The following APLP2 variants were observed in gnomAD, a reference collection of about 807,000 sequenced individuals.
APLP2 encodes the protein amyloid beta precursor like protein 2, also known as CDEI box-binding protein.
Under a neutral mutation model 89.9 loss-of-function variants are expected in APLP2, and 53 were observed. That is an observed-to-expected ratio of 0.59 (90% CI 0.47 to 0.74). APLP2 has a LOEUF of 0.74. Among genes scored for constraint, APLP2 ranks in the 30% least tolerant of loss-of-function variants. The pLI, the probability that APLP2 is intolerant of heterozygous loss-of-function variation, is 0.00. For synonymous variants in APLP2, 372 were observed against 348.6 expected (o/e 1.07, Z -0.75); for missense variants, 973 against 975.9 (o/e 1.00, Z 0.04).
At chr11:130,103,824 A>G (rs1004073378) in intron 1 of APLP2, among the ~76,000 whole-genome samples, 5 of 152,126 alleles carry the variant, frequency 3.3e-5, no homozygotes, top group Non-Finnish European at 5.9e-5. Context: ...TACCACCTGA[A>G]ATCTGATTTG....
intron 1 of APLP2, among the ~76,000 whole-genome samples, chr11:130,077,397 A>T (rs1812980571): frequency 6.6e-6 from 1 of 152,170 alleles, no homozygotes. Flanking sequence ...TAGTATTTTC[A>T]CATATTTTAT....
intron 3 of APLP2, among the ~76,000 whole-genome samples, chr11:130,119,996 G>A (rs1949636747): frequency 6.6e-6 from 1 of 152,080 alleles, no homozygotes; most frequent in Admixed American, 6.5e-5. Context: ...TATTTTTTAA[G>A]AGTCCATGCC....
Position 130,129,565 on chromosome 11 carries a change from AAG to A in APLP2, c.1455+360_1455+361del, listed in dbSNP as rs1437911751. ...TACATTATAAATAAGATTATGAAGA[AAG>A]GGGTAAAGTAATTTCTTCTGAAACT... is the stretch of plus-strand genomic sequence containing the variant. On this transcript the variant is annotated intron_variant, in intron 10 of 16. Coordinates refer to ENST00000338167, the MANE Select transcript of APLP2 (RefSeq NM_001142276.2). Among the ~76,000 whole-genome samples, 17 of 152,326 alleles carry A rather than the reference AAG, an allele frequency of 1.1e-4. No individual in the cohort carries two copies. In the East Asian group the frequency reaches 2.9e-3, roughly 26 times the overall value.
In APLP2 at chr11:130,141,759, C is replaced by T. The variant is rs1225659076; in HGVS notation, c.1999-160C>T. 15 of 943,406 alleles carry T rather than the reference C, an allele frequency of 1.6e-5. No individual in the cohort carries two copies. The Admixed American group carries it at 1.6e-4, about 10-fold the overall frequency. The allele number at this position is 943,406 out of a possible 1,614,324, so 58.4% of individuals were successfully genotyped here. A position where few individuals can be genotyped will look rare whatever the true frequency, so the allele number is the denominator to read the frequency against. On this transcript the variant is annotated intron_variant, in intron 15 of 16. Coordinates refer to ENST00000338167, the MANE Select transcript of APLP2 (RefSeq NM_001142276.2). The surrounding 1 kb of genome is among the most constrained non-coding windows in gnomAD (Gnocchi z 4.2). Reference sequence around the variant, plus strand: ...CTCCATGGAGATTGGGAAGAGTGGGCGTTCTCCACCTGTGGGTGGTTCCCT... The same window carrying T: ...CTCCATGGAGATTGGGAAGAGTGGGTGTTCTCCACCTGTGGGTGGTTCCCT...
intron 1 of APLP2, among the ~76,000 whole-genome samples, chr11:130,079,919 T>TTG (rs1942877425): frequency 6.6e-6 from 1 of 152,238 alleles, no homozygotes; most frequent in Non-Finnish European, 1.5e-5. Context: ...CCAAAGATTC[T>TTG]TGTCATGAAT....
intron 1 of APLP2, among the ~76,000 whole-genome samples, chr11:130,096,268 G>A (rs1026932186): frequency 3.9e-5 from 6 of 152,198 alleles, no homozygotes; most frequent in African/African-American, 1.4e-4. Context: ...CTGGAGTGTG[G>A]CAGGGGCTGC....
chr11:130,090,462 ACTCTTAACGAGCATG>A (rs1312238813), intron 1 of APLP2, among the ~76,000 whole-genome samples: 64 of 150,058 alleles, frequency 4.3e-4, no homozygotes, highest in African/African-American at 1.5e-3. Context: ...ATTGGTGATG[ACTCTTAACGAGCATG>A]CTGCCTTCAA....
At chr11:130,134,788 CCCAGGGCTGCGT>C (rs1951365069) in intron 12 of APLP2, among the ~76,000 whole-genome samples, 2 of 152,248 alleles carry the variant, frequency 1.3e-5, no homozygotes, top group African/African-American at 4.8e-5. Context: ...TGGGGCTGCG[CCCAGGGCTGCGT>C]GTGGGGTTGG....
intron 9 of APLP2, among the ~76,000 whole-genome samples, chr11:130,128,414 AGT>A (rs1950601083): frequency 6.6e-6 from 1 of 152,246 alleles, no homozygotes; most frequent in South Asian, 2.1e-4. Context: ...ACTTTAATAA[AGT>A]GTTAAAAATA....
At chr11:130,138,060 C>T (rs1951844396) in intron 13 of APLP2, among the ~76,000 whole-genome samples, 1 of 152,196 alleles carries the variant, frequency 6.6e-6, no homozygotes, top group Non-Finnish European at 1.5e-5. Flanking sequence ...GTTCTCTGTT[C>T]CCCAAGCCCA....
rs760135215 is a variant in APLP2, at chr11:130,142,024, G to T, written c.2104G>T (p.Val702Leu). ...AIATVIVISL[V>L]MLRKRQYGTI... is the part of the protein sequence containing the mutation. ...TGCCACGGTCATCGTCATCAGCCTG[G>T]TGATGCTGAGGAAGAGGCAGTATGG... Residue 702 changes from valine (V) to leucine (L), a missense_variant, in exon 16 of 17, where the codon GTG becomes TTG. Physicochemically the swap from Val to Leu is conservative, Grantham distance 32. Transcript: ENST00000338167. 6.2e-7 allele frequency: 1 copy of T among 1,613,912 alleles called. No individual in the cohort carries two copies. The highest frequency in any genetic ancestry group is 8.5e-7 in the Non-Finnish European group (1 of 1,179,984).
intron 3 of APLP2, among the ~76,000 whole-genome samples, chr11:130,117,084 T>C (rs1949274055): frequency 6.6e-6 from 1 of 152,066 alleles, no homozygotes; most frequent in South Asian, 2.1e-4. Flanking sequence ...TGAGCCAAGA[T>C]TGTGCCACTG....
intron 1 of APLP2, among the ~76,000 whole-genome samples, chr11:130,074,791 A>G (rs1941813654): frequency 6.6e-6 from 1 of 152,190 alleles, no homozygotes; most frequent in African/African-American, 2.4e-5. Flanking sequence ...AGCACCTAAC[A>G]ATGATTATTT....
At position 130,071,867 on chromosome 11, in the gene APLP2, C is replaced by A. The variant is rs1417750560; in HGVS notation, c.105+1785C>A. 2.0e-5 allele frequency among the ~76,000 whole-genome samples: 3 copies of A among 152,086 alleles called. No individual in the cohort carries two copies. In the East Asian group the frequency reaches 5.8e-4, roughly 29 times the overall value. ...CTTACTAAATGATCTTTCAAGGGGCCTTTTGTCAAGCTATCAGAATTTTAT... is the reference window on the plus strand; with the variant it reads ...CTTACTAAATGATCTTTCAAGGGGCATTTTGTCAAGCTATCAGAATTTTAT... On this transcript the variant is annotated intron_variant, in intron 1 of 16. Coordinates refer to ENST00000338167, the MANE Select transcript of APLP2 (RefSeq NM_001142276.2).
At chr11:130,134,739 C>T (rs949468704) in intron 12 of APLP2, among the ~76,000 whole-genome samples, 1 of 152,094 alleles carries the variant, frequency 6.6e-6, no homozygotes, top group African/African-American at 2.4e-5. Context: ...CCAGGGACAG[C>T]TGGGGATGGT....
In APLP2 at chr11:130,143,275, C is replaced by T. The variant is rs953171256; in HGVS notation, c.2155-72C>T. 93 of 1,406,300 alleles carry T rather than the reference C, an allele frequency of 6.6e-5. No homozygotes were observed. The African/African-American group carries it at 1.2e-3, about 19-fold the overall frequency. The allele number at this position is 1,406,300 out of a possible 1,614,324, so 87.1% of individuals were successfully genotyped here. On this transcript the variant is annotated intron_variant, in intron 16 of 16. Coordinates refer to ENST00000338167, the MANE Select transcript of APLP2 (RefSeq NM_001142276.2). ...CCTCAGGGGATTGTGCAGCAAATGG[C>T]TCAGGTCTCCCAGCACCCTGTGCAG...
chr11:130,143,116 G>T (rs953457493), intron 16 of APLP2, among the ~76,000 whole-genome samples: 10 of 152,200 alleles, frequency 6.6e-5, no homozygotes, highest in African/African-American at 1.9e-4. Context: ...GTCATCTTCC[G>T]TGAGGGCTAA....
At chr11:130,091,842 G>A (rs1288941928) in intron 1 of APLP2, among the ~76,000 whole-genome samples, 2 of 146,768 alleles carry the variant, frequency 1.4e-5, no homozygotes, top group Non-Finnish European at 3.0e-5. Context: ...CCTCCCTCCC[G>A]GACGGGGTGG....
intron 3 of APLP2, among the ~76,000 whole-genome samples, chr11:130,112,437 A>T (rs1565579776): frequency 6.6e-6 from 1 of 152,216 alleles, no homozygotes; most frequent in South Asian, 2.1e-4. Context: ...CTAAGGTGAC[A>T]GGACACAGTA....
Sources: gnomAD v4.1 joint callset for allele counts (sites outside exome capture counted in the v4.1 genomes callset) on GRCh38, gnomAD v4.1.1 for gene constraint, Gnocchi (gnomAD v3.1) non-coding constraint, MANE v1.5 for transcripts, NCBI Gene and HGNC (gene_info 2026-07-23, HGNC 2026-07-21) for gene names.